Variants in TENM2 observed in about 807,000 individuals in gnomAD.
The protein encoded by TENM2 is teneurin-2.
A neutral mutation model predicts 245.2 loss-of-function variants in TENM2; 52 were observed. The observed-to-expected ratio is 0.21, with a 90% CI of 0.17 to 0.27. The LOEUF is 0.27. Among genes scored for constraint, TENM2 ranks in the 10% least tolerant of loss-of-function variants. The pLI is 1.00. For missense variants in TENM2, 3,046 were observed against 3,666.8 expected, an observed-to-expected ratio of 0.83 and a Z score of 4.37; for synonymous variants, 1,363 against 1,438.9, an observed-to-expected ratio of 0.95 and a Z score of 1.19.
chr5:168,036,741 GTATA>G (rs553769176), intron 5 of TENM2, among the ~76,000 whole-genome samples: 1 of 144,330 alleles, frequency 6.9e-6, no homozygotes, highest in Non-Finnish European at 1.5e-5. Flanking sequence ...ATACGTATGT[GTATA>G]TATATATGTA....
the TENM2 span, among the ~76,000 whole-genome samples, chr5:167,247,077 T>C: frequency 1.1e-4 from 16 of 152,152 alleles, no homozygotes; most frequent in African/African-American, 3.9e-4. Context: ...TGTCAATAAA[T>C]ACTTAATATT....
intron 12 of TENM2, among the ~76,000 whole-genome samples, chr5:168,137,556 A>G (rs1388826492): frequency 6.6e-6 from 1 of 152,248 alleles, no homozygotes; most frequent in Non-Finnish European, 1.5e-5. Context: ...CTAATGACAC[A>G]AAACTCAAAA....
chr5:167,532,101 T>A (rs1189068831), intron 2 of TENM2, among the ~76,000 whole-genome samples: 4 of 152,110 alleles, frequency 2.6e-5, no homozygotes, highest in Admixed American at 6.5e-5. Context: ...AGGCTCCTGT[T>A]AATACCCTCC....
intron 13 of TENM2, chr5:168,186,600 C>A (rs1435371009): frequency 1.3e-5 from 2 of 152,096 alleles, no homozygotes; most frequent in Admixed American, 1.3e-4. Flanking sequence ...AGTATTGGGC[C>A]CTTTTTGAGG....
chr5:167,018,378 CT>C, the TENM2 span, among the ~76,000 whole-genome samples: 623 of 140,368 alleles, frequency 4.4e-3, 1 homozygote, highest in Admixed American at 8.2e-3. Flanking sequence ...TTCCCTGTTT[CT>C]TTTTTTTTTT....
chr5:167,538,693 G>C (rs987930730), intron 2 of TENM2, among the ~76,000 whole-genome samples: 7 of 152,174 alleles, frequency 4.6e-5, no homozygotes, highest in Non-Finnish European at 1.0e-4. Context: ...CAGTCCCCAG[G>C]GTAAATGGAT....
At chr5:168,054,025 A>G (rs924094145) in intron 6 of TENM2, among the ~76,000 whole-genome samples, 4 of 152,244 alleles carry the variant, frequency 2.6e-5, no homozygotes, top group Admixed American at 6.5e-5. Context: ...ATAATAGTAA[A>G]CTAAACTAAA....
At chr5:167,449,313 T>C (rs1330095983) in intron 2 of TENM2, among the ~76,000 whole-genome samples, 1 of 152,134 alleles carries the variant, frequency 6.6e-6, no homozygotes, top group African/African-American at 2.4e-5. Flanking sequence ...GTTAACACAC[T>C]CCAGTGCTGA....
chr5:167,268,906 A>G, the TENM2 span, among the ~76,000 whole-genome samples: 1 of 151,418 alleles, frequency 6.6e-6, no homozygotes, highest in Non-Finnish European at 1.5e-5. Flanking sequence ...AGATAGATAG[A>G]TAGATAGATA....
chr5:167,332,703 ATC>A (rs1757532229), intron 1 of TENM2, among the ~76,000 whole-genome samples: 1 of 152,192 alleles, frequency 6.6e-6, no homozygotes, highest in Non-Finnish European at 1.5e-5. Flanking sequence ...ATAAACACTA[ATC>A]ACACAAAAAA....
the TENM2 span, among the ~76,000 whole-genome samples, chr5:167,126,351 A>G: frequency 6.6e-6 from 1 of 152,188 alleles, no homozygotes; most frequent in Non-Finnish European, 1.5e-5. Flanking sequence ...TTCCCTTCCC[A>G]GCTTCCAAAT....
chr5:167,853,306 AAAAAAAG>A (rs1455719867), intron 2 of TENM2, among the ~76,000 whole-genome samples: 20 of 138,052 alleles, frequency 1.4e-4, no homozygotes, highest in African/African-American at 4.4e-4. Context: ...AAAAAAAAAA[AAAAAAAG>A]AAAGTGATCG....
the TENM2 span, among the ~76,000 whole-genome samples, chr5:167,026,566 C>G: frequency 2.0e-5 from 3 of 152,126 alleles, no homozygotes; most frequent in Non-Finnish European, 2.9e-5. Flanking sequence ...ACTTCTGATC[C>G]GTTTCAATGT....
intron 3 of TENM2, among the ~76,000 whole-genome samples, chr5:167,933,150 A>G (rs1178708482): frequency 6.6e-6 from 1 of 152,250 alleles, no homozygotes; most frequent in East Asian, 1.9e-4. Context: ...GATAACCCCA[A>G]GTAAAGAAAT....
At chr5:167,791,703 A>G (rs1764987287) in intron 2 of TENM2, among the ~76,000 whole-genome samples, 1 of 151,902 alleles carries the variant, frequency 6.6e-6, no homozygotes. Flanking sequence ...TGATCATTTA[A>G]TGAATCAAAC....
At chr5:168,205,588 C>G (rs1222220753) in intron 19 of TENM2, among the ~76,000 whole-genome samples, 1 of 152,030 alleles carries the variant, frequency 6.6e-6, no homozygotes, top group Non-Finnish European at 1.5e-5. Context: ...AGACGTCAGC[C>G]ATGGGGAGAT....
chr5:167,222,025 A>G, the TENM2 span, among the ~76,000 whole-genome samples: 32,460 of 152,068 alleles, frequency 0.21, 4,152 homozygotes, highest in African/African-American at 0.36. Context: ...ACGTCGTTTG[A>G]GATTATGCAA....
the TENM2 span, among the ~76,000 whole-genome samples, chr5:166,996,892 G>A: frequency 1.3e-5 from 2 of 152,112 alleles, no homozygotes; most frequent in South Asian, 4.1e-4. Context: ...GATCCATGAA[G>A]GCAAGTTGGA....
intron 5 of TENM2, among the ~76,000 whole-genome samples, chr5:167,999,605 A>G (rs1424414257): frequency 6.6e-6 from 1 of 152,218 alleles, no homozygotes; most frequent in African/African-American, 2.4e-5. Context: ...TGACATTCAG[A>G]AAAAATGAAT....
Sources: gnomAD v4.1 joint callset for allele counts (sites outside exome capture counted in the v4.1 genomes callset) on GRCh38, gnomAD v4.1.1 for gene constraint, MANE v1.5 for transcripts, NCBI Gene and HGNC (gene_info 2026-07-23, HGNC 2026-07-21) for gene names.